PDE2A: variants seen among roughly 807,000 people sequenced by gnomAD.
The protein encoded by PDE2A is phosphodiesterase 2A.
In PDE2A, 53 loss-of-function variants were observed where a neutral mutation model predicts 133.6. That is an observed-to-expected ratio of 0.40 (90% CI 0.32 to 0.50). The LOEUF is 0.50. Among genes scored for constraint, PDE2A ranks in the 20% least tolerant of loss-of-function variants. PDE2A has a pLI of 0.73. For synonymous variants in PDE2A, 491 were observed against 490.2 expected, an observed-to-expected ratio of 1.00 and a Z score of -0.02; for missense variants, 796 against 1,232.4, an observed-to-expected ratio of 0.65 and a Z score of 5.30.
chr11:72,592,215 G>C (rs1478711134), intron 6 of PDE2A, among the ~76,000 whole-genome samples: 1 of 152,158 alleles, frequency 6.6e-6, no homozygotes, highest in African/African-American at 2.4e-5. Context: ...ACCCACTACA[G>C]GCCCTGCCAG....
intron 2 of PDE2A, among the ~76,000 whole-genome samples, chr11:72,641,596 G>T (rs1858953803): frequency 6.6e-6 from 1 of 152,206 alleles, no homozygotes; most frequent in Non-Finnish European, 1.5e-5. Flanking sequence ...CACTGTACCT[G>T]GAGAGGAACA....
chr11:72,653,738 C>T (rs966168708), intron 1 of PDE2A, among the ~76,000 whole-genome samples: 1 of 152,234 alleles, frequency 6.6e-6, no homozygotes, highest in Non-Finnish European at 1.5e-5. Flanking sequence ...CAGTCCTGGG[C>T]CCCTGCTCCT....
intron 1 of PDE2A, among the ~76,000 whole-genome samples, chr11:72,648,862 A>G (rs1461931585): frequency 2.0e-5 from 3 of 152,028 alleles, no homozygotes; most frequent in African/African-American, 7.3e-5. Context: ...TATCACGCCT[A>G]CACCCCAGTC....
rs773564808 is a variant in PDE2A, at chr11:72,578,204, G to T, written c.2615+29C>A. 6 of 1,367,946 alleles carry T rather than the reference G, an allele frequency of 4.4e-6. No homozygotes were observed. Among genetic ancestry groups the T allele is most frequent in the Non-Finnish European group, 2.1e-6 (2 of 954,616 alleles). 84.7% of individuals were successfully genotyped at this position (1,367,946 alleles called of 1,614,324 possible). A position where few individuals can be genotyped will look rare whatever the true frequency, so the allele number is the denominator to read the frequency against. The stretch of plus-strand genomic sequence containing the variant: ...CTCCAGCCTACCCTCTCTGTGCAGG[G>T]TGCAGCTTGTCCCCATGAGCTCACT... On this transcript the variant is annotated intron_variant, in intron 30 of 30. Coordinates refer to ENST00000334456, the MANE Select transcript of PDE2A (RefSeq NM_002599.5). The surrounding 1 kb of genome is among the most constrained non-coding windows in gnomAD (Gnocchi z 4.2).
rs1273045555 is a variant in PDE2A at position 72,658,780 on chromosome 11, T to A, written c.71+15357A>T. On this transcript the variant is annotated intron_variant, in intron 1 of 30. Transcript: ENST00000334456. The stretch of plus-strand genomic sequence containing the variant: ...GCAGTCCTATGAATGAAGCTTGAGA[T>A]ACAACAATGAACAACACAAACCAAA... Among the ~76,000 whole-genome samples the A allele has an allele frequency of 4.6e-5, 7 of 152,274 alleles. No individual in the cohort carries two copies. In the South Asian group the frequency reaches 1.0e-3, roughly 23 times the overall value.
intron 26 of PDE2A, 27 bp downstream of exon 26, chr11:72,579,507 T>TCCCCC: frequency 1.8e-5 from 24 of 1,354,130 alleles, no homozygotes; most frequent in Non-Finnish European, 2.3e-5. Context: ...TCCCCCTCAA[T>TCCCCC]CCCCACCCCA....
At chr11:72,650,978 G>A (rs934730805) in intron 1 of PDE2A, among the ~76,000 whole-genome samples, 2 of 151,288 alleles carry the variant, frequency 1.3e-5, no homozygotes, top group Admixed American at 6.6e-5. Context: ...AAGGCAAGAA[G>A]GTCTAAGCAA....
rs764544251 is a variant in PDE2A, at chr11:72,577,474, C to A, written c.2736G>T (p.Ser912=). 32 of 1,613,998 alleles carry A rather than the reference C, an allele frequency of 2.0e-5. No homozygotes were observed. The highest frequency in any genetic ancestry group is 2.7e-5 in the Non-Finnish European group (32 of 1,180,002). The change falls in exon 31 of 31, where the codon TCG becomes TCT. Residue 912 remains serine, a synonymous_variant. Coordinates refer to ENST00000334456, the MANE Select transcript of PDE2A (RefSeq NM_002599.5). ...FTIRGLPSNN[S]LDFLDEEYEV... ...CGTACTCCTCATCCAGGAAGTCCAG[C>A]GAGTTGTTACTTGGGAGGCCGCGGA...
intron 6 of PDE2A, among the ~76,000 whole-genome samples, chr11:72,595,882 C>T (rs1335543505): frequency 6.6e-6 from 1 of 152,148 alleles, no homozygotes; most frequent in Admixed American, 6.5e-5. Context: ...GGAGCAGAAA[C>T]CCTGGGAACT....
chr11:72,670,517 A>G (rs1855361123), intron 1 of PDE2A, among the ~76,000 whole-genome samples: 1 of 152,160 alleles, frequency 6.6e-6, no homozygotes, highest in African/African-American at 2.4e-5. Context: ...CATAAAACCA[A>G]GAGACTCACA....
intron 2 of PDE2A, among the ~76,000 whole-genome samples, chr11:72,626,775 G>T (rs568009886): frequency 8.5e-5 from 13 of 152,170 alleles, no homozygotes; most frequent in Non-Finnish European, 1.9e-4. Flanking sequence ...CATATTCACT[G>T]GTGGCCTCAG....
chr11:72,597,446 G>C lies in PDE2A; in HGVS notation c.433+64C>G, dbSNP rs867713370. The C allele has an allele frequency of 6.8e-6, 6 of 883,652 alleles. No individual in the cohort carries two copies. Among genetic ancestry groups the C allele is most frequent in the Middle Eastern group, 3.0e-4 (1 of 3,324 alleles). 54.7% of individuals were successfully genotyped at this position (883,652 alleles called of 1,614,324 possible). On this transcript the variant is annotated intron_variant, in intron 5 of 30. Coordinates refer to ENST00000334456, the MANE Select transcript of PDE2A (RefSeq NM_002599.5). The surrounding 1 kb of genome is among the most constrained non-coding windows in gnomAD (Gnocchi z 4.6). ...AGGAATAGAAGACACACATGACCTG[G>C]AGTGCAGGGGCCACAGTCCCTCCCT...
At chr11:72,653,107 C>T (rs1329317856) in intron 1 of PDE2A, among the ~76,000 whole-genome samples, 3 of 152,198 alleles carry the variant, frequency 2.0e-5, no homozygotes, top group Admixed American at 6.5e-5. Flanking sequence ...CAACAAGGCA[C>T]GGTGCAGGGC....
chr11:72,577,271 C>A lies in PDE2A; in HGVS notation c.*113G>T, dbSNP rs1855509080. On this transcript the variant is annotated 3_prime_UTR_variant, in exon 31 of 31. Transcript: ENST00000334456. ...AAGGTAGTACTTGTCCAGGGTCACA[C>A]AGGAAGTCCTGGTCTAGGACCCAGG... is the stretch of plus-strand genomic sequence containing the variant. 2 of 723,754 alleles carry A rather than the reference C, an allele frequency of 2.8e-6. No homozygotes were observed. The highest frequency in any genetic ancestry group is 4.6e-6 in the Non-Finnish European group (2 of 435,306). 44.8% of individuals were successfully genotyped at this position (723,754 alleles called of 1,614,324 possible).
At chr11:72,669,597 G>A (rs981871453) in intron 1 of PDE2A, among the ~76,000 whole-genome samples, 2 of 152,210 alleles carry the variant, frequency 1.3e-5, no homozygotes, top group African/African-American at 2.4e-5. Flanking sequence ...CCACAATCCT[G>A]TGTCTCAGAA....
intron 2 of PDE2A, among the ~76,000 whole-genome samples, chr11:72,611,667 A>T (rs1179409664): frequency 6.6e-6 from 1 of 152,106 alleles, no homozygotes; most frequent in Non-Finnish European, 1.5e-5. Context: ...TGGTAATGTG[A>T]CTGATGAAGC....
intron 1 of PDE2A, among the ~76,000 whole-genome samples, chr11:72,651,234 C>T (rs1854733724): frequency 6.6e-6 from 1 of 152,160 alleles, no homozygotes; most frequent in South Asian, 2.1e-4. Flanking sequence ...GTCCTGACTG[C>T]CTGAGATGCC....
intron 4 of PDE2A, among the ~76,000 whole-genome samples, chr11:72,602,473 C>G (rs1015657659): frequency 6.6e-5 from 10 of 152,196 alleles, no homozygotes; most frequent in Non-Finnish European, 1.2e-4. Context: ...ACACCCCCAC[C>G]TCCTCGGGCA....
intron 1 of PDE2A, among the ~76,000 whole-genome samples, chr11:72,654,922 C>T (rs1008430791): frequency 1.3e-5 from 2 of 148,922 alleles, no homozygotes; most frequent in East Asian, 2.1e-4. Context: ...GTGACTCTTG[C>T]AGCACCCACC....
Sources: allele counts gnomAD v4.1 joint callset (sites outside exome capture counted in the v4.1 genomes callset), GRCh38; gene constraint gnomAD v4.1.1; non-coding constraint Gnocchi (gnomAD v3.1); transcripts MANE v1.5; gene names NCBI Gene and HGNC (gene_info 2026-07-23, HGNC 2026-07-21).